NDUFAF2: variants seen among roughly 807,000 people sequenced by gnomAD.
NDUFAF2 encodes NADH dehydrogenase [ubiquinone] 1 alpha subcomplex assembly factor 2.
NDUFAF2 carries 13 observed loss-of-function variants against 22.8 expected under a neutral mutation model. That is an observed-to-expected ratio of 0.57 (90% CI 0.37 to 0.91). The LOEUF (loss-of-function observed/expected upper bound fraction) is 0.91. NDUFAF2 is among the 40% of genes least tolerant of loss of function. The pLI, the probability that NDUFAF2 is intolerant of heterozygous loss-of-function variation, is 0.01. For missense variants in NDUFAF2, 162 were observed against 195.2 expected, an observed-to-expected ratio of 0.83 and a Z score of 1.01; for synonymous variants, 53 against 64.2, an observed-to-expected ratio of 0.83 and a Z score of 0.84.
At chr5:61,016,428 G>A (rs183123585) in intron 1 of NDUFAF2, among the ~76,000 whole-genome samples, 3 of 152,236 alleles carry the variant, frequency 2.0e-5, no homozygotes, top group Non-Finnish European at 2.9e-5. Context: ...CATTGTATGC[G>A]TATTGAAATT....
chr5:61,134,415 G>C (rs1237199106), intron 3 of NDUFAF2, among the ~76,000 whole-genome samples: 1 of 152,206 alleles, frequency 6.6e-6, no homozygotes, highest in Non-Finnish European at 1.5e-5. Flanking sequence ...GCCAGGCGCG[G>C]TGGCTCACGC....
At chr5:60,999,927 C>T (rs539558325) in intron 1 of NDUFAF2, among the ~76,000 whole-genome samples, 33 of 152,038 alleles carry the variant, frequency 2.2e-4, no homozygotes, top group Admixed American at 3.9e-4. Context: ...GTTTGTTTTT[C>T]ACTGTTTGCA....
intron 1 of NDUFAF2, among the ~76,000 whole-genome samples, chr5:61,024,891 A>G (rs1360715680): frequency 6.6e-6 from 1 of 152,092 alleles, no homozygotes; most frequent in African/African-American, 2.4e-5. Flanking sequence ...CCAATTGCTA[A>G]CAGTTTTCCA....
At chr5:61,084,938 T>G (rs990607476) in intron 2 of NDUFAF2, among the ~76,000 whole-genome samples, 3 of 152,158 alleles carry the variant, frequency 2.0e-5, no homozygotes, top group African/African-American at 7.2e-5. Flanking sequence ...CATAGGACAC[T>G]CCACTGAGCA....
chr5:60,975,424 C>T (rs1750889970), intron 1 of NDUFAF2, among the ~76,000 whole-genome samples: 1 of 151,742 alleles, frequency 6.6e-6, no homozygotes, highest in Non-Finnish European at 1.5e-5. Flanking sequence ...GATATTCAGT[C>T]TCGGGTTGTG....
At chr5:61,028,816 A>G (rs928440838) in intron 1 of NDUFAF2, among the ~76,000 whole-genome samples, 1 of 152,084 alleles carries the variant, frequency 6.6e-6, no homozygotes, top group African/African-American at 2.4e-5. Context: ...CTCACCAACA[A>G]TGTAGGTGAG....
At chr5:61,028,529 GTAT>G (rs1267592091) in intron 1 of NDUFAF2, among the ~76,000 whole-genome samples, 1 of 152,066 alleles carries the variant, frequency 6.6e-6, no homozygotes, top group Non-Finnish European at 1.5e-5. Flanking sequence ...CGGACCTAAA[GTAT>G]TATTGTTAAT....
intron 3 of NDUFAF2, among the ~76,000 whole-genome samples, chr5:61,119,340 C>G (rs897568598): frequency 1.3e-5 from 2 of 152,290 alleles, no homozygotes; most frequent in East Asian, 3.9e-4. Context: ...CTGCCCTGGA[C>G]ACTACACTAG....
At chr5:61,038,491 C>T (rs1333764166) in intron 1 of NDUFAF2, among the ~76,000 whole-genome samples, 1 of 152,054 alleles carries the variant, frequency 6.6e-6, no homozygotes, top group African/African-American at 2.4e-5. Flanking sequence ...TTTATTAACC[C>T]CACCCCCCAG....
chr5:61,055,184 T>C (rs1290374053), intron 1 of NDUFAF2, among the ~76,000 whole-genome samples: 4 of 152,362 alleles, frequency 2.6e-5, no homozygotes, highest in African/African-American at 7.2e-5. Context: ...TACTTTTATA[T>C]GTTTTAATAA....
rs78156071 is a variant in NDUFAF2, at chr5:60,956,353, T to C, written c.127+10971T>C. Among the ~76,000 whole-genome samples the C allele has an allele frequency of 3.1e-3, 477 of 152,338 alleles. 5 individuals carry two copies. The highest frequency in any genetic ancestry group is 0.011 in the African/African-American group (444 of 41,588). On this transcript the variant is annotated intron_variant, in intron 1 of 3. Coordinates refer to ENST00000296597, the MANE Select transcript of NDUFAF2 (RefSeq NM_174889.5). ...TTTGGATGCCATTTATTTGTTTTTCTTGCCTAGTTGCTCTTGCTAGAACTT... is the reference window on the plus strand; with the variant it reads ...TTTGGATGCCATTTATTTGTTTTTCCTGCCTAGTTGCTCTTGCTAGAACTT...
At chr5:61,145,927 T>TA (rs1473759478) in intron 3 of NDUFAF2, 2 of 152,168 alleles carry the variant, frequency 1.3e-5, no homozygotes, top group Non-Finnish European at 2.9e-5. Flanking sequence ...TGCATGACTC[T>TA]CAATTGTCAA....
At chr5:60,956,263 T>G (rs1750614490) in intron 1 of NDUFAF2, among the ~76,000 whole-genome samples, 1 of 152,176 alleles carries the variant, frequency 6.6e-6, no homozygotes, top group African/African-American at 2.4e-5. Flanking sequence ...ACAGCTTTTT[T>G]TGTGTGTGGA....
At chr5:60,972,119 T>C (rs1339421128) in intron 1 of NDUFAF2, among the ~76,000 whole-genome samples, 1 of 151,908 alleles carries the variant, frequency 6.6e-6, no homozygotes, top group African/African-American at 2.4e-5. Flanking sequence ...ATTTTTGTAT[T>C]TTTAGTAGAG....
intron 1 of NDUFAF2, among the ~76,000 whole-genome samples, chr5:61,016,168 G>A (rs2112600527): frequency 7.2e-6 from 1 of 139,064 alleles, no homozygotes; most frequent in East Asian, 2.5e-4. Flanking sequence ...CCTGGCAACA[G>A]AGCAAGACTC....
chr5:60,976,787 T>A (rs923027242), intron 1 of NDUFAF2, among the ~76,000 whole-genome samples: 2 of 152,194 alleles, frequency 1.3e-5, no homozygotes, highest in Non-Finnish European at 2.9e-5. Flanking sequence ...CAATGCCTTT[T>A]TCTTTTTCAT....
At position 60,945,358 on chromosome 5, in the gene NDUFAF2, A is replaced by C. The variant is rs748188210; in HGVS notation, c.103A>C (p.Ile35Leu). ...TDQFGNKYYY[I>L]PQYKNWRGQT... is the part of the protein sequence containing the mutation. ...CCAATTCGGGAACAAATACTACTACATCCCGCAGTACAAGAACTGGAGAGG... is the reference window on the plus strand; with the variant it reads ...CCAATTCGGGAACAAATACTACTACCTCCCGCAGTACAAGAACTGGAGAGG... The change falls in exon 1 of 4, where the codon ATC (isoleucine) becomes CTC (leucine). Residue 35 changes from isoleucine to leucine, a missense_variant. Coordinates refer to ENST00000296597, the MANE Select transcript of NDUFAF2 (RefSeq NM_174889.5). The C allele has an allele frequency of 7.6e-5, 122 of 1,614,030 alleles. No homozygotes were observed. The highest frequency in any genetic ancestry group is 1.0e-4 in the Non-Finnish European group (118 of 1,180,040).
At chr5:61,129,440 C>T (rs1753079870) in intron 3 of NDUFAF2, among the ~76,000 whole-genome samples, 1 of 152,114 alleles carries the variant, frequency 6.6e-6, no homozygotes, top group Non-Finnish European at 1.5e-5. Context: ...GGCACATATA[C>T]ACCATGGAAT....
At chr5:60,961,169 G>C (rs112984969) in intron 1 of NDUFAF2, among the ~76,000 whole-genome samples, 1 of 152,116 alleles carries the variant, frequency 6.6e-6, no homozygotes, top group African/African-American at 2.4e-5. Flanking sequence ...AAAATTTACT[G>C]TATAACTTGG....
Sources: gnomAD v4.1 joint callset for allele counts (sites outside exome capture counted in the v4.1 genomes callset) on GRCh38, gnomAD v4.1.1 for gene constraint, MANE v1.5 for transcripts, NCBI Gene and HGNC (gene_info 2026-07-23, HGNC 2026-07-21) for gene names.